Variants in NRXN3 observed in about 807,000 individuals in gnomAD.
NRXN3 encodes the protein neurexin 3, also known as neurexin III.
A neutral mutation model predicts 137.6 loss-of-function variants in NRXN3; 32 were observed. The observed-to-expected ratio is 0.23, with a 90% CI of 0.18 to 0.31. The LOEUF (loss-of-function observed/expected upper bound fraction) is 0.31. NRXN3 is among the 10% of genes least tolerant of loss of function. The pLI is 1.00. For synonymous variants in NRXN3, 798 were observed against 784.5 expected (o/e 1.02, Z -0.29); for missense variants, 1,574 against 2,062.5 (o/e 0.76, Z 4.59).
intron 19 of NRXN3, among the ~76,000 whole-genome samples, chr14:79,721,567 G>GA (rs1280062318): frequency 6.6e-6 from 1 of 152,054 alleles, no homozygotes; most frequent in African/African-American, 2.4e-5. Context: ...ATGATTAGGG[G>GA]AATTGAAGGA....
At chr14:79,193,829 T>C (rs754889035) in intron 15 of NRXN3, among the ~76,000 whole-genome samples, 3 of 152,228 alleles carry the variant, frequency 2.0e-5, no homozygotes, top group Non-Finnish European at 4.4e-5. Flanking sequence ...TGATAGCATC[T>C]TGAATTTCCT....
intron 16 of NRXN3, among the ~76,000 whole-genome samples, chr14:79,509,702 A>G (rs1317941631): frequency 6.6e-6 from 1 of 152,142 alleles, no homozygotes; most frequent in East Asian, 1.9e-4. Context: ...ATCATTTCAC[A>G]ATGTCAACAT....
intron 8 of NRXN3, among the ~76,000 whole-genome samples, chr14:78,716,254 G>T (rs1294242736): frequency 1.3e-5 from 2 of 152,180 alleles, no homozygotes; most frequent in African/African-American, 2.4e-5. Flanking sequence ...CAAGCTATTT[G>T]CAGATTGCAG....
chr14:78,910,095 G>T (rs1276065052), intron 10 of NRXN3, among the ~76,000 whole-genome samples: 1 of 151,878 alleles, frequency 6.6e-6, no homozygotes, highest in Non-Finnish European at 1.5e-5. Context: ...TAATGTTCTG[G>T]TTCTTTTAGA....
chr14:78,916,830 G>T (rs1340186945), intron 10 of NRXN3, among the ~76,000 whole-genome samples: 1 of 152,170 alleles, frequency 6.6e-6, no homozygotes, highest in African/African-American at 2.4e-5. Flanking sequence ...TCCTGGCTGA[G>T]TTGGTGCCTT....
chr14:78,536,332 C>T (rs985910389), intron 4 of NRXN3, among the ~76,000 whole-genome samples: 1 of 152,154 alleles, frequency 6.6e-6, no homozygotes, highest in African/African-American at 2.4e-5. Flanking sequence ...GCTCTTGCCC[C>T]GTCTGTAGGT....
At chr14:78,445,773 T>C (rs59095684) in intron 4 of NRXN3, among the ~76,000 whole-genome samples, 19,567 of 152,166 alleles carry the variant, frequency 0.13, 1,877 homozygotes, top group African/African-American at 0.26. Context: ...GTCTTTTATG[T>C]GTCATTTTTG....
intron 19 of NRXN3, among the ~76,000 whole-genome samples, chr14:79,785,353 G>T (rs1253182913): frequency 6.6e-6 from 1 of 152,114 alleles, no homozygotes; most frequent in African/African-American, 2.4e-5. Context: ...GTATATGCAT[G>T]TTCATTCTAC....
At position 78,524,223 on chromosome 14, in the gene NRXN3, G is replaced by A. The variant is rs565074246; in HGVS notation, c.758-120897G>A. Among the ~76,000 whole-genome samples, 7 of 152,110 alleles carry A rather than the reference G, an allele frequency of 4.6e-5. No individual in the cohort carries two copies. In the South Asian group the frequency reaches 6.2e-4, roughly 14 times the overall value. ...TTTTTTGTCTTTACTGGATAGTTTC[G>A]TATTTCTACCTGCATGTGGAGTTCT... On this transcript the variant is annotated intron_variant, in intron 4 of 20. Coordinates refer to ENST00000335750, the MANE Select transcript of NRXN3 (RefSeq NM_001330195.2).
Position 78,967,357 on chromosome 14 carries a change from T to A in NRXN3, c.2927T>A (p.Val976Asp). 6.2e-7 allele frequency: 1 copy of A among 1,613,970 alleles called. No individual in the cohort carries two copies. The highest frequency in any genetic ancestry group is 8.5e-7 in the Non-Finnish European group (1 of 1,179,902). Residue 976 changes from valine (V) to aspartate (D), a missense_variant, in exon 13 of 21, where the codon GTC becomes GAC. Physicochemically the swap from Val to Asp is radical, Grantham distance 152. Around this residue, in one of 5 missense-constraint regions of NRXN3, gnomAD observed 718 missense variants for 887.6 expected, o/e 0.81. Coordinates refer to ENST00000335750, the MANE Select transcript of NRXN3 (RefSeq NM_001330195.2). Reference sequence around the variant, plus strand: ...AGCCTGAAAGTGGACACCAAAGTGGTCACTCAGGTTATCAATGGTGCCAAA... The same window carrying A: ...AGCCTGAAAGTGGACACCAAAGTGGACACTCAGGTTATCAATGGTGCCAAA... ...THSLKVDTKV[V>D]TQVINGAKNL...
At chr14:79,706,569 A>G (rs186459139) in intron 19 of NRXN3, among the ~76,000 whole-genome samples, 83 of 152,046 alleles carry the variant, frequency 5.5e-4, no homozygotes, top group Non-Finnish European at 1.0e-3. Flanking sequence ...TCATGTTCCC[A>G]GGCTCAGAGC....
At chr14:79,466,343 T>G (rs2096422903) in intron 15 of NRXN3, among the ~76,000 whole-genome samples, 1 of 152,176 alleles carries the variant, frequency 6.6e-6, no homozygotes, top group Non-Finnish European at 1.5e-5. Context: ...ATCTCAGCAC[T>G]TTGGGTGGCC....
chr14:79,710,444 T>C (rs2098799308), intron 19 of NRXN3, among the ~76,000 whole-genome samples: 1 of 152,230 alleles, frequency 6.6e-6, no homozygotes, highest in Non-Finnish European at 1.5e-5. Flanking sequence ...GACTGCTAAA[T>C]GATTTCTGGC....
At chr14:78,943,422 G>A (rs1597692704) in intron 10 of NRXN3, among the ~76,000 whole-genome samples, 1 of 151,130 alleles carries the variant, frequency 6.6e-6, no homozygotes, top group Non-Finnish European at 1.5e-5. Flanking sequence ...GCAGTCAAGG[G>A]GGATTCTGTG....
At chr14:78,440,847 G>A (rs914663364) in intron 4 of NRXN3, among the ~76,000 whole-genome samples, 9 of 152,250 alleles carry the variant, frequency 5.9e-5, no homozygotes, top group South Asian at 2.1e-4. Context: ...CCATCTCATC[G>A]ATTTGCATGC....
At chr14:79,572,241 T>C (rs2097612203) in intron 16 of NRXN3, among the ~76,000 whole-genome samples, 1 of 152,146 alleles carries the variant, frequency 6.6e-6, no homozygotes, top group Admixed American at 6.5e-5. Flanking sequence ...TGTGAATGCT[T>C]TGAGACAATC....
At chr14:78,236,984 G>A (rs1459104908) in intron 1 of NRXN3, among the ~76,000 whole-genome samples, 1 of 152,186 alleles carries the variant, frequency 6.6e-6, no homozygotes, top group Non-Finnish European at 1.5e-5. Flanking sequence ...ATGGTGTGGT[G>A]TCTGGAGGGG....
chr14:79,854,295 T>TC (rs1206500198), intron 20 of NRXN3: 2 of 271,306 alleles, frequency 7.4e-6, no homozygotes, highest in Non-Finnish European at 1.1e-5. Flanking sequence ...TTTCTTTTTT[T>TC]CCCAGAACAG....
intron 15 of NRXN3, among the ~76,000 whole-genome samples, chr14:79,321,907 A>G (rs565668357): frequency 6.6e-6 from 1 of 150,554 alleles, no homozygotes; most frequent in East Asian, 1.9e-4. Context: ...ACATATATAT[A>G]TGTAGTTGTA....
Sources: allele counts gnomAD v4.1 joint callset (sites outside exome capture counted in the v4.1 genomes callset), GRCh38; gene constraint gnomAD v4.1.1; regional missense constraint gnomAD v4.1.1; transcripts MANE v1.5; gene names NCBI Gene and HGNC (gene_info 2026-07-23, HGNC 2026-07-21).